LINGO2: variants seen among roughly 807,000 people sequenced by gnomAD.
The protein encoded by LINGO2 is leucine-rich repeat and immunoglobulin-like domain-containing nogo receptor-interacting protein 2.
LINGO2 carries 14 observed loss-of-function variants against 30.6 expected under a neutral mutation model. That is an observed-to-expected ratio of 0.46 (90% confidence interval 0.30 to 0.72). The LOEUF (loss-of-function observed/expected upper bound fraction) is 0.72. Among genes scored for constraint, LINGO2 ranks in the 30% least tolerant of loss-of-function variants. LINGO2 has a pLI of 0.07. For missense variants in LINGO2, 729 were observed against 751.7 expected (o/e 0.97, Z 0.35); for synonymous variants, 317 against 288.5 (o/e 1.10, Z -1.00).
At chr9:28,063,900 C>T (rs564665228) in intron 4 of LINGO2, among the ~76,000 whole-genome samples, 2 of 152,234 alleles carry the variant, frequency 1.3e-5, no homozygotes, top group African/African-American at 4.8e-5. Flanking sequence ...TCCCTGATTC[C>T]ACATGCAGAA....
the LINGO2 span, among the ~76,000 whole-genome samples, chr9:28,807,721 T>G: frequency 6.6e-6 from 1 of 152,054 alleles, no homozygotes; most frequent in African/African-American, 2.4e-5. Context: ...AGTAAGAGAG[T>G]ATATAGGCTA....
the LINGO2 span, among the ~76,000 whole-genome samples, chr9:28,848,813 T>G: frequency 3.3e-5 from 5 of 151,826 alleles, no homozygotes; most frequent in African/African-American, 9.7e-5. Flanking sequence ...AATACAGCTG[T>G]TGAAACTCCC....
chr9:28,174,194 A>T (rs535370337), intron 4 of LINGO2, among the ~76,000 whole-genome samples: 22 of 152,322 alleles, frequency 1.4e-4, no homozygotes, highest in African/African-American at 4.8e-4. Context: ...GCTCAGTATG[A>T]GCTGCGACAT....
the LINGO2 span, among the ~76,000 whole-genome samples, chr9:28,721,526 G>C: frequency 6.6e-6 from 1 of 152,112 alleles, no homozygotes; most frequent in Non-Finnish European, 1.5e-5. Context: ...GGATGAAGCT[G>C]GAAACCATCA....
intron 2 of LINGO2, among the ~76,000 whole-genome samples, chr9:28,420,327 T>C (rs1454440726): frequency 6.6e-6 from 1 of 152,134 alleles, no homozygotes; most frequent in Admixed American, 6.5e-5. Flanking sequence ...CATTTTCTTA[T>C]TGATAATTAG....
chr9:28,529,074 T>A (rs940242557), intron 1 of LINGO2, among the ~76,000 whole-genome samples: 28 of 152,102 alleles, frequency 1.8e-4, no homozygotes, highest in African/African-American at 6.8e-4. Context: ...TCCTTCATGT[T>A]CCATTCTTTC....
downstream of LINGO2, chr9:27,943,616 G>GGT (rs3064643): frequency 1.7e-3 from 253 of 148,448 alleles, 2 homozygotes; most frequent in Middle Eastern, 3.5e-3. Context: ...TAGCTGGAGG[G>GGT]TTTTTTTTTT....
intron 2 of LINGO2, among the ~76,000 whole-genome samples, chr9:28,425,692 G>T (rs1587654916): frequency 6.6e-6 from 1 of 151,876 alleles, no homozygotes; most frequent in East Asian, 1.9e-4. Context: ...TTAAAATTAA[G>T]AACAACAAAA....
chr9:28,977,405 C>T, the LINGO2 span, among the ~76,000 whole-genome samples: 2 of 152,074 alleles, frequency 1.3e-5, no homozygotes, highest in Admixed American at 1.3e-4. Context: ...GTTTACCAGA[C>T]AGACTGTACT....
intron 4 of LINGO2, among the ~76,000 whole-genome samples, chr9:28,039,339 C>T (rs1012788696): frequency 6.6e-6 from 1 of 152,120 alleles, no homozygotes; most frequent in Non-Finnish European, 1.5e-5. Context: ...TATATATAAA[C>T]TAAGTGCAAA....
At chr9:29,164,436 T>C in the LINGO2 span, among the ~76,000 whole-genome samples, 1 of 152,168 alleles carries the variant, frequency 6.6e-6, no homozygotes, top group Non-Finnish European at 1.5e-5. Flanking sequence ...AATTGGTGTT[T>C]GTTTTGAAAT....
At chr9:28,193,631 C>G (rs984018255) in intron 4 of LINGO2, among the ~76,000 whole-genome samples, 6 of 152,156 alleles carry the variant, frequency 3.9e-5, no homozygotes, top group Admixed American at 3.9e-4. Flanking sequence ...AAAATACAAA[C>G]TTTTGTTCTA....
intron 5 of LINGO2, among the ~76,000 whole-genome samples, chr9:28,011,263 T>C (rs1214045929): frequency 6.6e-6 from 1 of 152,124 alleles, no homozygotes; most frequent in East Asian, 1.9e-4. Flanking sequence ...GAATTTTTCG[T>C]AGGGAGGGAA....
chr9:28,260,391 G>A (rs994967929), intron 4 of LINGO2, among the ~76,000 whole-genome samples: 26 of 151,686 alleles, frequency 1.7e-4, no homozygotes, highest in Non-Finnish European at 3.5e-4. Flanking sequence ...CGTAATGGTC[G>A]CTTTGACTTC....
chr9:29,056,949 G>A, the LINGO2 span, among the ~76,000 whole-genome samples: 3 of 152,188 alleles, frequency 2.0e-5, no homozygotes, highest in South Asian at 2.1e-4. Context: ...TGGTCTATGT[G>A]TCTATTTTTA....
At chr9:28,928,203 C>A in the LINGO2 span, among the ~76,000 whole-genome samples, 1 of 152,216 alleles carries the variant, frequency 6.6e-6, no homozygotes, top group South Asian at 2.1e-4. Flanking sequence ...TTTACTGAAG[C>A]CTTTTTATAT....
chr9:28,668,131 T>C (rs1396197410), intron 1 of LINGO2, among the ~76,000 whole-genome samples: 2 of 152,158 alleles, frequency 1.3e-5, no homozygotes, highest in Non-Finnish European at 2.9e-5. Context: ...ACCAAAGATT[T>C]TGAGAAAATA....
intron 4 of LINGO2, among the ~76,000 whole-genome samples, chr9:28,027,281 T>C (rs1823425731): frequency 6.6e-6 from 1 of 152,122 alleles, no homozygotes; most frequent in Non-Finnish European, 1.5e-5. Context: ...GAAATTGAGG[T>C]ATAGAGAAGT....
At chr9:28,637,637 T>C (rs929504049) in intron 1 of LINGO2, among the ~76,000 whole-genome samples, 2 of 152,176 alleles carry the variant, frequency 1.3e-5, no homozygotes, top group African/African-American at 2.4e-5. Context: ...GTTATTGGTG[T>C]ATAAGAATGC....
Sources: gnomAD v4.1 joint callset for allele counts (sites outside exome capture counted in the v4.1 genomes callset) on GRCh38, gnomAD v4.1.1 for gene constraint, MANE v1.5 for transcripts, NCBI Gene and HGNC (gene_info 2026-07-23, HGNC 2026-07-21) for gene names.